Variants in SOX6 observed in about 807,000 individuals in gnomAD.
The protein encoded by SOX6 is SRY-box transcription factor 6.
In SOX6, 11 loss-of-function variants were observed where a neutral mutation model predicts 97.8. The observed-to-expected ratio is 0.11, with a 90% CI of 0.07 to 0.19. The LOEUF (loss-of-function observed/expected upper bound fraction) is 0.19. SOX6 is among the 10% of genes least tolerant of loss of function. The probability of loss-of-function intolerance (pLI) is 1.00; values close to 1 mark genes in which losing one functional copy is unlikely to be tolerated. For missense variants in SOX6, 810 were observed against 1,039.5 expected (o/e 0.78, Z 3.04); for synonymous variants, 360 against 371.4 (o/e 0.97, Z 0.35).
At chr11:16,717,318 T>C (rs1848226293) in intron 2 of SOX6, among the ~76,000 whole-genome samples, 1 of 152,124 alleles carries the variant, frequency 6.6e-6, no homozygotes, top group Non-Finnish European at 1.5e-5. Flanking sequence ...GTAATGAGAC[T>C]AAAATTTAGA....
chr11:16,044,829 C>A (rs767202298), intron 12 of SOX6, among the ~76,000 whole-genome samples: 96 of 152,274 alleles, frequency 6.3e-4, no homozygotes, highest in Admixed American at 1.6e-3. Flanking sequence ...GAGAAAACAG[C>A]TCCCTTCAAC....
intron 1 of SOX6, among the ~76,000 whole-genome samples, chr11:16,373,855 G>A (rs1857565198): frequency 1.3e-5 from 1 of 75,376 alleles, no homozygotes; most frequent in African/African-American, 5.1e-5. Context: ...AAGGAAGGAA[G>A]GAAGGAAGGA....
intron 4 of SOX6, among the ~76,000 whole-genome samples, chr11:16,518,745 C>G (rs1024251543): frequency 6.6e-6 from 1 of 152,124 alleles, no homozygotes; most frequent in Non-Finnish European, 1.5e-5. Context: ...TATATCTTGT[C>G]TACTTCAAAC....
chr11:16,080,952 G>T (rs1040976711), intron 9 of SOX6, among the ~76,000 whole-genome samples: 1 of 151,960 alleles, frequency 6.6e-6, no homozygotes. Context: ...AGTCAGGCAT[G>T]GTGACTCAAG....
At chr11:16,503,003 A>C (rs1370760841) in intron 4 of SOX6, among the ~76,000 whole-genome samples, 1 of 152,222 alleles carries the variant, frequency 6.6e-6, no homozygotes, top group Non-Finnish European at 1.5e-5. Context: ...CCGTCAAACT[A>C]ATAGCAGATT....
intron 4 of SOX6, among the ~76,000 whole-genome samples, chr11:16,503,140 A>G (rs1254752629): frequency 6.6e-6 from 1 of 152,206 alleles, no homozygotes; most frequent in East Asian, 1.9e-4. Context: ...AAAGAGAAAT[A>G]AAGTCTTTTC....
At chr11:16,621,571 T>C (rs1848545697) in intron 3 of SOX6, among the ~76,000 whole-genome samples, 1 of 152,228 alleles carries the variant, frequency 6.6e-6, no homozygotes, top group African/African-American at 2.4e-5. Context: ...GTCTTAAAAG[T>C]ATAGTTTTGT....
intron 3 of SOX6, among the ~76,000 whole-genome samples, chr11:16,693,289 G>T (rs925492550): frequency 3.9e-5 from 6 of 152,068 alleles, no homozygotes; most frequent in Non-Finnish European, 2.9e-5. Flanking sequence ...TTCTTTGGTG[G>T]TGATTTTTCC....
intron 3 of SOX6, among the ~76,000 whole-genome samples, chr11:16,633,011 G>A (rs1331227326): frequency 1.3e-5 from 2 of 151,964 alleles, no homozygotes; most frequent in African/African-American, 2.4e-5. Flanking sequence ...CAAATTCCTG[G>A]GGATCTGCCT....
intron 6 of SOX6, among the ~76,000 whole-genome samples, chr11:16,180,940 C>T (rs1851330906): frequency 1.3e-5 from 2 of 151,706 alleles, no homozygotes; most frequent in Admixed American, 6.6e-5. Context: ...TTTCCTATTT[C>T]TAATGAAAAA....
intron 12 of SOX6, among the ~76,000 whole-genome samples, chr11:16,028,588 T>C (rs1855272411): frequency 6.6e-6 from 1 of 152,198 alleles, no homozygotes; most frequent in African/African-American, 2.4e-5. Flanking sequence ...CCCACATCAC[T>C]GTTACATTCC....
chr11:16,402,559 T>C (rs1858587515), intron 1 of SOX6: 2 of 1,224,828 alleles, frequency 1.6e-6, no homozygotes, highest in Non-Finnish European at 2.4e-6. Flanking sequence ...CAAAGCACAC[T>C]GGAATCTCAG....
At chr11:16,010,953 T>C (rs982741705) in intron 13 of SOX6, among the ~76,000 whole-genome samples, 3 of 152,058 alleles carry the variant, frequency 2.0e-5, no homozygotes, top group African/African-American at 7.2e-5. Flanking sequence ...GAAAGGACCT[T>C]AGATGAAGTC....
At chr11:16,725,278 C>T (rs540829504) in intron 2 of SOX6, among the ~76,000 whole-genome samples, 2 of 152,336 alleles carry the variant, frequency 1.3e-5, no homozygotes, top group Admixed American at 6.5e-5. Context: ...AATCCCAACA[C>T]TTTGGAAGGC....
At chr11:16,070,856 C>T (rs770100969) in intron 9 of SOX6, among the ~76,000 whole-genome samples, 4 of 152,196 alleles carry the variant, frequency 2.6e-5, no homozygotes, top group East Asian at 1.9e-4. Context: ...TCCCTCCCAT[C>T]ACACTTCTAG....
chr11:16,415,126 T>A (rs964404672), intron 1 of SOX6, among the ~76,000 whole-genome samples: 1 of 152,132 alleles, frequency 6.6e-6, no homozygotes, highest in Non-Finnish European at 1.5e-5. Context: ...GAAGTAAGCC[T>A]CCCACATGTA....
intron 14 of SOX6, 122 bp downstream of exon 14, chr11:15,988,875 G>A (rs572816292): frequency 3.7e-5 from 36 of 979,274 alleles, no homozygotes; most frequent in East Asian, 2.4e-4. Flanking sequence ...GCTGACCTTC[G>A]TCTAACTTGC....
At chr11:16,593,430 T>G (rs1370977466) in intron 4 of SOX6, among the ~76,000 whole-genome samples, 1 of 152,122 alleles carries the variant, frequency 6.6e-6, no homozygotes, top group African/African-American at 2.4e-5. Flanking sequence ...ATTTCTAGAC[T>G]ATGTCTTTGG....
chr11:16,694,295 T>A (rs765671301), intron 3 of SOX6, among the ~76,000 whole-genome samples: 4 of 152,168 alleles, frequency 2.6e-5, no homozygotes, highest in Non-Finnish European at 5.9e-5. Flanking sequence ...TGGGAGGCCA[T>A]GACAGGAGGA....
Sources: allele counts gnomAD v4.1 joint callset (sites outside exome capture counted in the v4.1 genomes callset), GRCh38; gene constraint gnomAD v4.1.1; transcripts MANE v1.5; gene names NCBI Gene and HGNC (gene_info 2026-07-23, HGNC 2026-07-21).